RSU1: variants seen among roughly 807,000 people sequenced by gnomAD.
RSU1 encodes rsu-1.
Under a neutral mutation model 31.1 loss-of-function variants are expected in RSU1, and 26 were observed. The observed-to-expected ratio is 0.84, with a 90% confidence interval of 0.61 to 1.16. The LOEUF is 1.16. RSU1 is among the 50% of genes most tolerant of loss of function. RSU1 has a pLI of 0.00. For missense variants in RSU1, 320 were observed against 339.1 expected (o/e 0.94, Z 0.44); for synonymous variants, 164 against 136.3 (o/e 1.20, Z -1.41).
rs1833499634 is a variant in RSU1 at position 16,591,223 on chromosome 10, A to G, written c.*2171T>C. The G allele has an allele frequency of 6.6e-6, 1 of 152,180 alleles. No individual in the cohort carries two copies. Among genetic ancestry groups the G allele is most frequent in the Non-Finnish European group, 1.5e-5 (1 of 68,048 alleles). 9.4% of individuals were successfully genotyped at this position (152,180 alleles called of 1,614,324 possible). A position where few individuals can be genotyped will look rare whatever the true frequency, so the allele number is the denominator to read the frequency against. ...CACTGTGCCTGGCCGTTGTTCAACA[A>G]TTTTTAATGTCATAAAAGCCTCATG... is the stretch of plus-strand genomic sequence containing the variant. On this transcript the variant is annotated 3_prime_UTR_variant, in exon 9 of 9. Coordinates refer to ENST00000345264, the MANE Select transcript of RSU1 (RefSeq NM_012425.4).
chr10:16,729,464 G>T (rs1223720698), intron 7 of RSU1, among the ~76,000 whole-genome samples: 5 of 152,120 alleles, frequency 3.3e-5, no homozygotes, highest in African/African-American at 1.2e-4. Flanking sequence ...GGCTGAAAAG[G>T]GAGTGGTAGG....
chr10:16,714,178 G>A (rs148218247), intron 7 of RSU1, among the ~76,000 whole-genome samples: 2 of 152,316 alleles, frequency 1.3e-5, no homozygotes, highest in Admixed American at 6.5e-5. Flanking sequence ...GGCTAGCTGA[G>A]CAGCTACGTG....
intron 8 of RSU1, among the ~76,000 whole-genome samples, chr10:16,652,239 C>T (rs754150631): frequency 9.2e-5 from 14 of 151,794 alleles, no homozygotes; most frequent in South Asian, 2.1e-4. Flanking sequence ...CAAAACAAAA[C>T]GAAAAACTGG....
chr10:16,813,199 G>A (rs1490015869), intron 2 of RSU1, among the ~76,000 whole-genome samples: 2 of 152,072 alleles, frequency 1.3e-5, no homozygotes, highest in Non-Finnish European at 1.5e-5. Context: ...AAGCTTTAAC[G>A]AGAATGTGTG....
At chr10:16,645,889 T>C (rs1235149823) in intron 8 of RSU1, among the ~76,000 whole-genome samples, 3 of 106,000 alleles carry the variant, frequency 2.8e-5, no homozygotes, top group African/African-American at 1.0e-4. Context: ...TGTATATACA[T>C]ATATGTATAT....
rs1407994485 is a variant in RSU1 at position 16,592,171 on chromosome 10, T to G, written c.*1223A>C. 1 of 152,214 alleles carries G rather than the reference T, an allele frequency of 6.6e-6. No individual in the cohort carries two copies. Among genetic ancestry groups the G allele is most frequent in the African/African-American group, 2.4e-5 (1 of 41,432 alleles). 9.4% of individuals were successfully genotyped at this position (152,214 alleles called of 1,614,324 possible). The stretch of plus-strand genomic sequence containing the variant: ...TTATATGCCCCAGTGGGTCCTGGTC[T>G]TGGGAGCTCAACTGGGAAGCCGAAA... On this transcript the variant is annotated 3_prime_UTR_variant, in exon 9 of 9. Transcript: ENST00000345264.
chr10:16,734,353 C>A (rs144194876), intron 7 of RSU1, among the ~76,000 whole-genome samples: 1 of 152,248 alleles, frequency 6.6e-6, no homozygotes, highest in Non-Finnish European at 1.5e-5. Context: ...ACACACTCTT[C>A]TTCATCTGCA....
chr10:16,772,993 GC>G (rs1226310505), intron 3 of RSU1, among the ~76,000 whole-genome samples: 1 of 152,036 alleles, frequency 6.6e-6, no homozygotes. Context: ...GATTGCTGGA[GC>G]CCAGGAGTTT....
At chr10:16,609,922 G>A (rs1833865950) in intron 8 of RSU1, among the ~76,000 whole-genome samples, 1 of 152,158 alleles carries the variant, frequency 6.6e-6, no homozygotes, top group South Asian at 2.1e-4. Context: ...CTGCAGAATA[G>A]CGCTGTCCAA....
chr10:16,792,357 C>T (rs187061221), intron 2 of RSU1, among the ~76,000 whole-genome samples: 22 of 152,288 alleles, frequency 1.4e-4, no homozygotes, highest in Admixed American at 7.2e-4. Flanking sequence ...CTCGGCCTCC[C>T]GAGTAGCTGA....
chr10:16,632,287 C>A (rs542642966), intron 8 of RSU1, among the ~76,000 whole-genome samples: 26 of 152,156 alleles, frequency 1.7e-4, no homozygotes, highest in Non-Finnish European at 3.2e-4. Context: ...CCATAAACTA[C>A]AGCAAAGAAA....
chr10:16,668,895 T>C (rs541774850), intron 8 of RSU1, among the ~76,000 whole-genome samples: 15 of 152,312 alleles, frequency 9.8e-5, no homozygotes, highest in Admixed American at 4.6e-4. Context: ...AGAAAGCCTG[T>C]TGTGTACAAA....
chr10:16,602,879 G>T (rs1321864632), intron 8 of RSU1, among the ~76,000 whole-genome samples: 3 of 152,176 alleles, frequency 2.0e-5, no homozygotes, highest in Non-Finnish European at 1.5e-5. Context: ...GTGTGAAGCC[G>T]AGATTATTAA....
intron 2 of RSU1, among the ~76,000 whole-genome samples, chr10:16,787,327 A>G (rs1213806910): frequency 1.3e-5 from 2 of 151,470 alleles, no homozygotes; most frequent in Non-Finnish European, 2.9e-5. Flanking sequence ...TCTCCCCATC[A>G]CCCCTTCCTC....
Position 16,760,659 on chromosome 10 carries a change from G to T in RSU1, c.281+3731C>A, listed in dbSNP as rs1252174937. 2.6e-5 allele frequency among the ~76,000 whole-genome samples: 4 copies of T among 152,032 alleles called. No individual in the cohort carries two copies. In the East Asian group the frequency reaches 7.7e-4, roughly 29 times the overall value. The stretch of plus-strand genomic sequence containing the variant: ...TCTCCATCTGTTGTATTTTTCAGCT[G>T]CCCAACACAGAAATGAAGGTATCAT... On this transcript the variant is annotated intron_variant, in intron 4 of 8. Transcript: ENST00000345264.
intron 8 of RSU1, among the ~76,000 whole-genome samples, chr10:16,636,403 ACT>A (rs1426261835): frequency 1.3e-5 from 2 of 151,590 alleles, no homozygotes; most frequent in African/African-American, 2.4e-5. Context: ...TCTTTGCCAA[ACT>A]CTGTCCCTCT....
chr10:16,650,645 T>A, intron 8 of RSU1, among the ~76,000 whole-genome samples: 1 of 139,712 alleles, frequency 7.2e-6, no homozygotes. Flanking sequence ...AGTGGCACAA[T>A]CTCGGCTCAC....
intron 8 of RSU1, among the ~76,000 whole-genome samples, chr10:16,626,827 T>C (rs1032824873): frequency 1.3e-5 from 2 of 152,126 alleles, no homozygotes; most frequent in African/African-American, 4.8e-5. Context: ...GAATGAAGGT[T>C]TGGATGCCAG....
At chr10:16,798,022 C>T (rs573405313) in intron 2 of RSU1, among the ~76,000 whole-genome samples, 5 of 151,980 alleles carry the variant, frequency 3.3e-5, no homozygotes, top group South Asian at 4.2e-4. Flanking sequence ...CCACCACGCC[C>T]GGCTAATTCT....
Sources: gnomAD v4.1 joint callset for allele counts (sites outside exome capture counted in the v4.1 genomes callset) on GRCh38, gnomAD v4.1.1 for gene constraint, MANE v1.5 for transcripts, NCBI Gene and HGNC (gene_info 2026-07-23, HGNC 2026-07-21) for gene names.